The following OVCH2 variants were observed in gnomAD, a reference collection of about 807,000 sequenced individuals.
OVCH2 encodes the protein ovochymase 2.
Under a neutral mutation model 73.7 loss-of-function variants are expected in OVCH2, and 88 were observed. That is an observed-to-expected ratio of 1.19 (90% CI 1.01 to 1.43). The LOEUF is 1.43. OVCH2 is among the 40% of genes most tolerant of loss of function. The probability of loss-of-function intolerance (pLI) is 0.00; values close to 1 mark genes in which losing one functional copy is unlikely to be tolerated. For missense variants in OVCH2, 706 were observed against 674.5 expected (o/e 1.05, Z -0.52); for synonymous variants, 265 against 234.5 (o/e 1.13, Z -1.19).
chr11:7,706,033 G>C (rs918528633), intron 1 of OVCH2, among the ~76,000 whole-genome samples: 1 of 152,144 alleles, frequency 6.6e-6, no homozygotes, highest in African/African-American at 2.4e-5. Context: ...GTTCAAGTAA[G>C]TGAACAATCT....
At chr11:7,691,421 G>T (rs762056797) in intron 13 of OVCH2, 21 bp from the exon 14 acceptor site, 22 of 1,605,944 alleles carry the variant, frequency 1.4e-5, no homozygotes, top group Non-Finnish European at 1.9e-5. Flanking sequence ...GCCAGCCCAG[G>T]CATGACATTG....
Position 7,706,344 on chromosome 11 carries a change from A to G in OVCH2, c.51T>C (p.Phe17=), listed in dbSNP as rs750850996. The G allele has an allele frequency of 1.1e-5, 17 of 1,589,220 alleles. No individual in the cohort carries two copies. The South Asian group carries it at 2.0e-4, about 18-fold the overall frequency. The change falls in exon 1 of 16, where the codon TTT becomes TTC. Residue 17 remains phenylalanine (F), a synonymous_variant. Coordinates refer to ENST00000533663, the MANE Select transcript of OVCH2 (RefSeq NM_198185.7). ...AAAGAGTTGCAGATTTACCTCGTTC[A>G]AAAAAGACTATTCCTAGTAGTAAAA... ...KLILLLGIVF[F]ERGKSATLSL...
chr11:7,683,136 A>G, the OVCH2 span, among the ~76,000 whole-genome samples: 1 of 152,174 alleles, frequency 6.6e-6, no homozygotes, highest in African/African-American at 2.4e-5. Context: ...ATAGTTTTGA[A>G]GTTTTCATAT....
chr11:7,685,784 ACC>A (rs1296236316), downstream of OVCH2, among the ~76,000 whole-genome samples: 1 of 152,120 alleles, frequency 6.6e-6, no homozygotes, highest in African/African-American at 2.4e-5. Context: ...CTTCTCTTGT[ACC>A]TATCTAGCTC....
In OVCH2 at chr11:7,689,521, C is replaced by G; in HGVS notation, c.*113G>C. The G allele has an allele frequency of 2.4e-6, 1 of 416,354 alleles. No homozygotes were observed. The highest frequency in any genetic ancestry group is 1.8e-5 in the South Asian group (1 of 56,508). The allele number at this position is 416,354 out of a possible 1,614,324, so 25.8% of individuals were successfully genotyped here. A position where few individuals can be genotyped will look rare whatever the true frequency, so the allele number is the denominator to read the frequency against. On this transcript the variant is annotated 3_prime_UTR_variant, in exon 16 of 16. Transcript: ENST00000533663. ...AACGTGTCAGCAGGGATGGCTCTGT[C>G]TGAGGGCTGTGACGAGGAGTCTGCC...
intron 12 of OVCH2, among the ~76,000 whole-genome samples, chr11:7,694,082 G>A (rs1856273549): frequency 6.6e-6 from 1 of 151,948 alleles, no homozygotes; most frequent in African/African-American, 2.4e-5. Context: ...GAGAACGCTG[G>A]TGTCTCATCA....
At chr11:7,680,197 T>C in the OVCH2 span, among the ~76,000 whole-genome samples, 1 of 151,946 alleles carries the variant, frequency 6.6e-6, no homozygotes, top group Non-Finnish European at 1.5e-5. Flanking sequence ...CCGAGGTGGG[T>C]GGCAGTCTTA....
the OVCH2 span, among the ~76,000 whole-genome samples, chr11:7,681,986 G>A: frequency 6.6e-6 from 1 of 152,012 alleles, no homozygotes; most frequent in Non-Finnish European, 1.5e-5. Context: ...AAAAACAGGA[G>A]CTTTTCAGAG....
At chr11:7,706,083 G>A in intron 1 of OVCH2, 2 of 432,622 alleles carry the variant, frequency 4.6e-6, no homozygotes, top group Non-Finnish European at 8.1e-6. Flanking sequence ...AACAGGGATT[G>A]TTTACTTAAT....
At chr11:7,696,417 A>G (rs2136155794) in intron 10 of OVCH2, 48 bp downstream of exon 10, 1 of 1,610,946 alleles carries the variant, frequency 6.2e-7, no homozygotes, top group East Asian at 2.2e-5. Flanking sequence ...GGCCTCATTA[A>G]GCCCACTTGG....
intron 12 of OVCH2, among the ~76,000 whole-genome samples, chr11:7,694,142 A>G (rs1589873949): frequency 6.6e-6 from 1 of 152,094 alleles, no homozygotes; most frequent in East Asian, 1.9e-4. Context: ...TCTCCATCGT[A>G]CACTGTCTTG....
intron 8 of OVCH2, 64 bp from the exon 9 acceptor site, chr11:7,696,863 C>A (rs1398334643): frequency 2.1e-6 from 3 of 1,445,934 alleles, no homozygotes; most frequent in Non-Finnish European, 2.8e-6. Flanking sequence ...GCCCCTCCCT[C>A]CAGAAGCTGC....
intron 3 of OVCH2, 24 bp from the exon 4 acceptor site, chr11:7,702,353 G>A (rs564017451): frequency 3.2e-6 from 5 of 1,542,640 alleles, no homozygotes; most frequent in African/African-American, 2.8e-5. Context: ...AGAGTAAAAT[G>A]AATGAATTTC....
Position 7,698,732 on chromosome 11 carries a change from C to A in OVCH2, c.925+18G>T. 1.2e-6 allele frequency: 2 copies of A among 1,610,514 alleles called. No homozygotes were observed. The highest frequency in any genetic ancestry group is 2.2e-5 in the East Asian group (1 of 44,814). On this transcript the variant is annotated intron_variant, in intron 8 of 15. Transcript: ENST00000533663. ...TTAATTTGTGCTCCTGATGGAGCAG[C>A]CTGCAAGGGATACCCACCTCTGGAG...
intron 3 of OVCH2, among the ~76,000 whole-genome samples, chr11:7,703,487 A>C (rs1856480637): frequency 6.6e-6 from 1 of 152,172 alleles, no homozygotes; most frequent in Non-Finnish European, 1.5e-5. Flanking sequence ...AGTAAAAACG[A>C]ATTTTACCTC....
chr11:7,702,113 G>C, intron 4 of OVCH2, 44 bp downstream of exon 4: 4 of 1,509,452 alleles, frequency 2.6e-6, no homozygotes, highest in Non-Finnish European at 2.7e-6. Context: ...AGAGGTTATA[G>C]AGAACATGGG....
chr11:7,681,122 C>G, the OVCH2 span, among the ~76,000 whole-genome samples: 1 of 152,172 alleles, frequency 6.6e-6, no homozygotes, highest in Non-Finnish European at 1.5e-5. Context: ...AACAAAGAGG[C>G]TCGGAGGACT....
chr11:7,697,188 T>C (rs1856354036), intron 8 of OVCH2, among the ~76,000 whole-genome samples: 1 of 152,122 alleles, frequency 6.6e-6, no homozygotes, highest in Non-Finnish European at 1.5e-5. Flanking sequence ...AGACTCACAC[T>C]GCCACACCCG....
At chr11:7,698,659 C>G in intron 8 of OVCH2, 91 bp downstream of exon 8, 1 of 1,402,618 alleles carries the variant, frequency 7.1e-7, no homozygotes, top group Non-Finnish European at 9.9e-7. Flanking sequence ...GCAGGGAGCG[C>G]TCTTGGAGAG....
Sources: gnomAD v4.1 joint callset for allele counts (sites outside exome capture counted in the v4.1 genomes callset) on GRCh38, gnomAD v4.1.1 for gene constraint, MANE v1.5 for transcripts, NCBI Gene and HGNC (gene_info 2026-07-23, HGNC 2026-07-21) for gene names.